The following ALX4 variants were observed in gnomAD, a reference collection of about 807,000 sequenced individuals.
The protein encoded by ALX4 is homeobox protein aristaless-like 4.
Under a neutral mutation model 40.6 loss-of-function variants are expected in ALX4, and 22 were observed. The ratio of observed to expected loss-of-function variants is 0.54; its 90% CI spans 0.39 to 0.77. ALX4 has a LOEUF of 0.77. ALX4 is among the 30% of genes least tolerant of loss of function. ALX4 has a pLI of 0.00. For missense variants in ALX4, 556 were observed against 564.8 expected, an observed-to-expected ratio of 0.98 and a Z score of 0.16; for synonymous variants, 266 against 240.5, an observed-to-expected ratio of 1.11 and a Z score of -0.98.
At chr11:44,274,749 G>T (rs1416934479) in intron 2 of ALX4, among the ~76,000 whole-genome samples, 1 of 152,184 alleles carries the variant, frequency 6.6e-6, no homozygotes, top group African/African-American at 2.4e-5. Context: ...TGAGTGTTGG[G>T]TTCCACTGTA....
intron 1 of ALX4, 126 bp downstream of exon 1, chr11:44,309,471 C>A: frequency 6.8e-7 from 1 of 1,480,216 alleles, no homozygotes; most frequent in Non-Finnish European, 9.0e-7. Flanking sequence ...TCCCGTTTAC[C>A]GACCAGAGTC....
At chr11:44,309,518 G>A in intron 1 of ALX4, 79 bp downstream of exon 1, 2 of 1,522,914 alleles carry the variant, frequency 1.3e-6, no homozygotes, top group Admixed American at 2.0e-5. Context: ...CATACCTCCC[G>A]CAAGCCACCA....
chr11:44,267,620 G>A lies in ALX4; in HGVS notation c.780C>T (p.Val260=), dbSNP rs767748164. The change falls in exon 3 of 4, where the codon GTC becomes GTT. Residue 260 remains valine (V), a splice_region_variant and synonymous_variant. Coordinates refer to ENST00000652299, the MANE Select transcript of ALX4 (RefSeq NM_021926.4). ...RTDLTEARVQ[V]WFQNRRAKWR... is the part of the protein sequence containing the mutation. ...ACTTGGCCCTTCGGTTCTGGAACCA[G>A]ACCTACAAGACGCGAAAAAGCCATT... 2.7e-5 allele frequency: 43 copies of A among 1,614,066 alleles called. No homozygotes were observed. The Admixed American group carries it at 3.0e-4, about 11-fold the overall frequency.
chr11:44,265,508 C>G (rs1237400825), intron 3 of ALX4, among the ~76,000 whole-genome samples: 1 of 152,142 alleles, frequency 6.6e-6, no homozygotes, highest in Non-Finnish European at 1.5e-5. Flanking sequence ...GTAGACTTGG[C>G]CTCCATCTGC....
intron 1 of ALX4, among the ~76,000 whole-genome samples, chr11:44,290,077 T>C (rs1465970208): frequency 2.6e-5 from 4 of 152,224 alleles, no homozygotes; most frequent in Admixed American, 2.0e-4. Flanking sequence ...ACCTCCTGCA[T>C]CCAGCCCTGT....
intron 1 of ALX4, among the ~76,000 whole-genome samples, chr11:44,308,477 G>A (rs1430792863): frequency 2.6e-5 from 4 of 152,216 alleles, no homozygotes; most frequent in South Asian, 2.1e-4. Flanking sequence ...CAAGGCCTCC[G>A]GGTATGTGCT....
At chr11:44,282,528 T>C (rs928372132) in intron 1 of ALX4, among the ~76,000 whole-genome samples, 1 of 152,176 alleles carries the variant, frequency 6.6e-6, no homozygotes, top group African/African-American at 2.4e-5. Context: ...CATAGGCAAA[T>C]GTCTGCAGCA....
intron 1 of ALX4, among the ~76,000 whole-genome samples, chr11:44,305,997 G>C (rs1269423252): frequency 6.6e-6 from 1 of 152,358 alleles, no homozygotes; most frequent in African/African-American, 2.4e-5. Flanking sequence ...CTGAGTACAG[G>C]GAGGCTCTCT....
intron 1 of ALX4, among the ~76,000 whole-genome samples, chr11:44,308,599 A>G (rs1956483202): frequency 6.6e-6 from 1 of 152,196 alleles, no homozygotes; most frequent in Non-Finnish European, 1.5e-5. Context: ...TAGGCTACTG[A>G]GCTGCTCTGG....
intron 2 of ALX4, among the ~76,000 whole-genome samples, chr11:44,271,235 T>C (rs1590688993): frequency 6.6e-6 from 1 of 152,162 alleles, no homozygotes; most frequent in East Asian, 1.9e-4. Context: ...CCCTGCTGCC[T>C]TTATACAAAG....
In ALX4 at chr11:44,264,307, T is replaced by C. The variant is rs4755796; in HGVS notation, c.*547A>G. 0.82 allele frequency: 130,700 copies of C among 159,882 alleles called. 53,746 individuals carry two copies. Among genetic ancestry groups the C allele is most frequent in the South Asian group, 0.95 (5,013 of 5,280 alleles). 9.9% of individuals were successfully genotyped at this position (159,882 alleles called of 1,614,324 possible). On this transcript the variant is annotated 3_prime_UTR_variant, in exon 4 of 4. Coordinates refer to ENST00000652299, the MANE Select transcript of ALX4 (RefSeq NM_021926.4). The stretch of plus-strand genomic sequence containing the variant: ...TCACTGTTCGGGGGGAGGTGGAGGC[T>C]GGCGCCTTGGCCCCAGCAGGTCGGA...
intron 1 of ALX4, among the ~76,000 whole-genome samples, chr11:44,279,910 AGGTTGCTG>A: frequency 6.6e-6 from 1 of 152,228 alleles, no homozygotes; most frequent in Non-Finnish European, 1.5e-5. Flanking sequence ...ATGCAGTAAG[AGGTTGCTG>A]AGGAATAAAT....
intron 1 of ALX4, among the ~76,000 whole-genome samples, chr11:44,298,459 G>A (rs529514716): frequency 6.6e-6 from 1 of 152,324 alleles, no homozygotes; most frequent in South Asian, 2.1e-4. Context: ...AGTGAATGGG[G>A]GACTAAGGGA....
chr11:44,275,758 C>T, intron 1 of ALX4, 100 bp from the exon 2 acceptor site: 2 of 1,161,478 alleles, frequency 1.7e-6, no homozygotes, highest in Non-Finnish European at 2.4e-6. Flanking sequence ...CCACCCCCTG[C>T]CTTTTTCCTC....
At chr11:44,279,301 T>G (rs1036038764) in intron 1 of ALX4, among the ~76,000 whole-genome samples, 9 of 152,228 alleles carry the variant, frequency 5.9e-5, no homozygotes, top group Non-Finnish European at 1.0e-4. Flanking sequence ...GGGAGGCTAC[T>G]GCCACCCCTC....
intron 1 of ALX4, among the ~76,000 whole-genome samples, chr11:44,277,026 T>G (rs1209396251): frequency 6.6e-6 from 1 of 152,130 alleles, no homozygotes; most frequent in Admixed American, 6.5e-5. Context: ...ATGAATCCTA[T>G]GGCCATGACT....
intron 1 of ALX4, among the ~76,000 whole-genome samples, chr11:44,300,265 C>G (rs77099971): frequency 0.027 from 4,186 of 152,234 alleles, 77 homozygotes; most frequent in Middle Eastern, 0.099. Context: ...CCACTGAGTC[C>G]CATGAAGAAG....
intron 1 of ALX4, among the ~76,000 whole-genome samples, chr11:44,298,858 C>A (rs1405944887): frequency 2.0e-5 from 3 of 152,116 alleles, no homozygotes; most frequent in Non-Finnish European, 4.4e-5. Flanking sequence ...GGCTCTCACC[C>A]CAGGCCTCCA....
rs753493510 is a variant in ALX4, at chr11:44,264,917, C to G, written c.1173G>C (p.Ser391=). 3 of 1,612,920 alleles carry G rather than the reference C, an allele frequency of 1.9e-6. No homozygotes were observed. The highest frequency in any genetic ancestry group is 1.3e-5 in the African/African-American group (1 of 74,944). ...ELNGEPDRKT[S]SIAALRMKAK... ...CCTTCATGCGGAGGGCCGCGATGCTCGAGGTCTTGCGGTCCGGCTCGCCGT... is the reference window on the plus strand; with the variant it reads ...CCTTCATGCGGAGGGCCGCGATGCTGGAGGTCTTGCGGTCCGGCTCGCCGT... Residue 391 remains serine (S), a synonymous_variant, in exon 4 of 4, where the codon TCG becomes TCC. Transcript: ENST00000652299.
Sources: gnomAD v4.1 joint callset for allele counts (sites outside exome capture counted in the v4.1 genomes callset) on GRCh38, gnomAD v4.1.1 for gene constraint, MANE v1.5 for transcripts, NCBI Gene and HGNC (gene_info 2026-07-23, HGNC 2026-07-21) for gene names.